SEMA6A: variants seen among roughly 807,000 people sequenced by gnomAD.
SEMA6A encodes the protein semaphorin-6A.
Under a neutral mutation model 96.8 loss-of-function variants are expected in SEMA6A, and 25 were observed. The observed-to-expected ratio is 0.26, with a 90% CI of 0.19 to 0.36. The LOEUF (loss-of-function observed/expected upper bound fraction) is 0.36. Among genes scored for constraint, SEMA6A ranks in the 10% least tolerant of loss-of-function variants. The pLI, the probability that SEMA6A is intolerant of heterozygous loss-of-function variation, is 1.00. For synonymous variants in SEMA6A, 612 were observed against 518.0 expected (o/e 1.18, Z -2.46); for missense variants, 1,363 against 1,323.1 (o/e 1.03, Z -0.47).
chr5:116,537,462 C>T (rs1327483997), intron 1 of SEMA6A, among the ~76,000 whole-genome samples: 1 of 152,136 alleles, frequency 6.6e-6, no homozygotes, highest in African/African-American at 2.4e-5. Context: ...GGGGTTCTAG[C>T]ATCAGTCTAA....
At chr5:116,493,717 G>GGGTTTTCTGGTTTTT (rs1757441001) in intron 6 of SEMA6A, among the ~76,000 whole-genome samples, 1 of 152,092 alleles carries the variant, frequency 6.6e-6, no homozygotes, top group African/African-American at 2.4e-5. Flanking sequence ...TTTCTGGTGA[G>GGGTTTTCTGGTTTTT]CTTGTTGGTG....
chr5:116,484,398 C>G (rs888818453), intron 10 of SEMA6A, among the ~76,000 whole-genome samples: 8 of 152,122 alleles, frequency 5.3e-5, no homozygotes, highest in African/African-American at 1.9e-4. Flanking sequence ...TCCTTCCCAT[C>G]TTCCGTTCAT....
rs1385304358 is a variant in SEMA6A, at chr5:116,445,404, A to G, written c.*1209T>C. 2.0e-5 allele frequency: 3 copies of G among 152,676 alleles called. No homozygotes were observed. The highest frequency in any genetic ancestry group is 7.2e-5 in the African/African-American group (3 of 41,476). 9.5% of individuals were successfully genotyped at this position (152,676 alleles called of 1,614,324 possible). On this transcript the variant is annotated 3_prime_UTR_variant, in exon 19 of 19. Transcript: ENST00000343348. ...ATTTATGCAAGGTAGCAGCCAGCAT[A>G]TTAGTTCACACCATTTGTGGATTTT...
At chr5:116,563,132 G>T (rs1561538624) in intron 1 of SEMA6A, among the ~76,000 whole-genome samples, 2 of 152,150 alleles carry the variant, frequency 1.3e-5, no homozygotes, top group Non-Finnish European at 2.9e-5. Flanking sequence ...TTTATAAAGG[G>T]TACACTTGGG....
At chr5:116,524,771 T>TACACACACACACACACAG (rs1361829381) in intron 1 of SEMA6A, among the ~76,000 whole-genome samples, 3 of 19,110 alleles carry the variant, frequency 1.6e-4, no homozygotes. Flanking sequence ...TGGGTATGTA[T>TACACACACACACACACAG]ACACACACAC....
intron 1 of SEMA6A, among the ~76,000 whole-genome samples, chr5:116,533,330 G>A (rs369468753): frequency 6.7e-6 from 1 of 148,760 alleles, no homozygotes; most frequent in African/African-American, 2.5e-5. Context: ...GAAGAGACTC[G>A]ACACTGCTGC....
intron 1 of SEMA6A, among the ~76,000 whole-genome samples, chr5:116,568,335 G>C (rs1211751826): frequency 6.6e-6 from 1 of 152,178 alleles, no homozygotes; most frequent in Non-Finnish European, 1.5e-5. Context: ...CCACAGAGAA[G>C]TTAAGTGACT....
At chr5:116,479,435 T>C (rs1250733657) in intron 12 of SEMA6A, among the ~76,000 whole-genome samples, 1 of 152,238 alleles carries the variant, frequency 6.6e-6, no homozygotes, top group East Asian at 1.9e-4. Context: ...CCATTTTGTG[T>C]GCCAGAGCTA....
intron 18 of SEMA6A, among the ~76,000 whole-genome samples, chr5:116,455,862 A>G (rs1381485902): frequency 6.6e-6 from 1 of 152,170 alleles, no homozygotes; most frequent in Non-Finnish European, 1.5e-5. Flanking sequence ...GACTTTGGGT[A>G]TGTCACTCGG....
chr5:116,493,372 T>A (rs1393036387), intron 6 of SEMA6A, among the ~76,000 whole-genome samples: 5 of 152,204 alleles, frequency 3.3e-5, no homozygotes, highest in Non-Finnish European at 7.3e-5. Context: ...CTGTATGCTG[T>A]CACTAGCTAG....
chr5:116,557,026 TAAC>T (rs1232185684), intron 1 of SEMA6A, among the ~76,000 whole-genome samples: 1 of 152,210 alleles, frequency 6.6e-6, no homozygotes, highest in Non-Finnish European at 1.5e-5. Flanking sequence ...GAAAAGTACT[TAAC>T]ACCACCATTT....
chr5:116,513,522 T>C (rs1758517960), intron 1 of SEMA6A, among the ~76,000 whole-genome samples: 1 of 152,190 alleles, frequency 6.6e-6, no homozygotes, highest in Non-Finnish European at 1.5e-5. Flanking sequence ...CTTACATGTA[T>C]GGCTTACTTG....
intron 18 of SEMA6A, among the ~76,000 whole-genome samples, chr5:116,454,636 G>A (rs978894921): frequency 1.3e-5 from 2 of 152,164 alleles, no homozygotes; most frequent in African/African-American, 2.4e-5. Context: ...CGCTGAAAGT[G>A]AAATGGGAAC....
chr5:116,552,550 C>T (rs572504525), intron 1 of SEMA6A, among the ~76,000 whole-genome samples: 7 of 152,140 alleles, frequency 4.6e-5, no homozygotes, highest in Non-Finnish European at 8.8e-5. Flanking sequence ...TCTTCTCCAT[C>T]CTTCAGCATA....
chr5:116,480,260 C>G lies in SEMA6A; in HGVS notation c.1112G>C (p.Gly371Ala). 6.2e-7 allele frequency: 1 copy of G among 1,613,690 alleles called. No homozygotes were observed. Among genetic ancestry groups the G allele is most frequent in the African/African-American group, 1.3e-5 (1 of 75,004 alleles). Residue 371 changes from glycine to alanine, a missense_variant, in exon 12 of 19, where the codon GGC becomes GCC. Physicochemically the swap from Gly to Ala is moderately conservative, Grantham distance 60. Around this residue, in one of 2 missense-constraint regions of SEMA6A, gnomAD observed 480 missense variants for 559.5 expected, o/e 0.86. Transcript: ENST00000343348. ...TGCATATCTTTCTAAGGAGGATGAG[C>G]CAGCACAGCAACCTGGCCTAAAATG... The part of the protein sequence containing the change: ...VPKPRPGCCA[G>A]SSSLERYATS...
intron 10 of SEMA6A, among the ~76,000 whole-genome samples, chr5:116,484,196 G>T (rs961119357): frequency 6.6e-6 from 1 of 151,614 alleles, no homozygotes; most frequent in Admixed American, 6.6e-5. Flanking sequence ...TTTACATATA[G>T]TATTTTCTTT....
Position 116,445,622 on chromosome 5 carries a change from GT to G in SEMA6A, c.*990del, listed in dbSNP as rs1252707014. The G allele has an allele frequency of 7.9e-5, 12 of 152,414 alleles. No individual in the cohort carries two copies. The highest frequency in any genetic ancestry group is 7.9e-4 in the Admixed American group (12 of 15,284). The allele number at this position is 152,414 out of a possible 1,614,324, so 9.4% of individuals were successfully genotyped here. A position where few individuals can be genotyped will look rare whatever the true frequency, so the allele number is the denominator to read the frequency against. ...TTAACATGAATTAGTTTTTTTGCAT[GT>G]TTATAGGCCAGAGACCTGACCAGGC... On this transcript the variant is annotated 3_prime_UTR_variant, in exon 19 of 19. Coordinates refer to ENST00000343348, the MANE Select transcript of SEMA6A (RefSeq NM_020796.5).
chr5:116,505,378 A>G (rs1298500242), intron 1 of SEMA6A, among the ~76,000 whole-genome samples: 1 of 152,072 alleles, frequency 6.6e-6, no homozygotes, highest in Non-Finnish European at 1.5e-5. Flanking sequence ...TGTAAAAATC[A>G]AAATACCTGC....
At chr5:116,487,050 G>A (rs1392319028) in intron 9 of SEMA6A, 84 bp from the exon 10 acceptor site, 428 of 814,714 alleles carry the variant, frequency 5.3e-4, no homozygotes, top group South Asian at 1.9e-3. Context: ...CTTGAAAACA[G>A]AAACAAAACA....
Sources: gnomAD v4.1 joint callset for allele counts (sites outside exome capture counted in the v4.1 genomes callset) on GRCh38, gnomAD v4.1.1 for gene constraint, gnomAD v4.1.1 regional missense constraint, MANE v1.5 for transcripts, NCBI Gene and HGNC (gene_info 2026-07-23, HGNC 2026-07-21) for gene names.